Variants in CHD7 observed in about 807,000 individuals in gnomAD.
CHD7 encodes ATP-dependent chromatin remodeler CHD7.
A neutral mutation model predicts 307.3 loss-of-function variants in CHD7; 24 were observed. The observed-to-expected ratio is 0.08, with a 90% CI of 0.06 to 0.11. The LOEUF is 0.11. CHD7 is among the 10% of genes least tolerant of loss of function. CHD7 has a pLI of 1.00. For synonymous variants in CHD7, 1,363 were observed against 1,349.9 expected, an observed-to-expected ratio of 1.01 and a Z score of -0.21; for missense variants, 3,106 against 3,727.1, an observed-to-expected ratio of 0.83 and a Z score of 4.34.
chr8:60,709,614 A>C (rs187522680), intron 1 of CHD7, among the ~76,000 whole-genome samples: 143 of 152,312 alleles, frequency 9.4e-4, no homozygotes, highest in African/African-American at 3.4e-3. Context: ...TCCTATGTAC[A>C]TTTAAGTTTT....
intron 2 of CHD7, among the ~76,000 whole-genome samples, chr8:60,752,569 T>C (rs920392222): frequency 1.3e-5 from 2 of 152,180 alleles, no homozygotes; most frequent in Admixed American, 6.5e-5. Context: ...AAACTTTTTG[T>C]TTTTTGAAGG....
chr8:60,761,235 C>T (rs561614561), intron 2 of CHD7, among the ~76,000 whole-genome samples: 2 of 150,274 alleles, frequency 1.3e-5, no homozygotes, highest in Admixed American at 1.3e-4. Context: ...AGTAAACTAT[C>T]GCAAGAACAA....
intron 1 of CHD7, among the ~76,000 whole-genome samples, chr8:60,695,743 CA>C (rs1261264215): frequency 2.8e-4 from 42 of 152,108 alleles, no homozygotes; most frequent in African/African-American, 1.0e-3. Context: ...CAAAAATTTC[CA>C]AATTATGGAA....
At chr8:60,746,607 A>T (rs983455748) in intron 2 of CHD7, among the ~76,000 whole-genome samples, 2 of 152,112 alleles carry the variant, frequency 1.3e-5, no homozygotes, top group Non-Finnish European at 2.9e-5. Context: ...GGTAGACTTA[A>T]CTCTTCTTGA....
intron 1 of CHD7, among the ~76,000 whole-genome samples, chr8:60,729,679 C>G (rs1392004661): frequency 6.6e-6 from 1 of 152,160 alleles, no homozygotes; most frequent in African/African-American, 2.4e-5. Flanking sequence ...AAACCAAGCA[C>G]AAAATTCGAA....
intron 1 of CHD7, among the ~76,000 whole-genome samples, chr8:60,738,673 G>A (rs1808829933): frequency 6.6e-6 from 1 of 152,130 alleles, no homozygotes; most frequent in South Asian, 2.1e-4. Context: ...TCCTGGCATA[G>A]TTGCCAGCTG....
At chr8:60,806,577 G>A (rs958090753) in intron 6 of CHD7, among the ~76,000 whole-genome samples, 1 of 152,136 alleles carries the variant, frequency 6.6e-6, no homozygotes, top group Non-Finnish European at 1.5e-5. Flanking sequence ...TGATACATTG[G>A]TTTAAAATAG....
intron 2 of CHD7, among the ~76,000 whole-genome samples, chr8:60,760,647 G>GA (rs1475745625): frequency 6.7e-6 from 1 of 150,372 alleles, no homozygotes; most frequent in African/African-American, 2.5e-5. Flanking sequence ...AAATTTACAA[G>GA]AAAAAAACAA....
intron 36 of CHD7, 50 bp from the exon 37 acceptor site, chr8:60,862,498 A>G (rs1400299240): frequency 9.9e-6 from 15 of 1,511,010 alleles, no homozygotes; most frequent in Admixed American, 9.9e-5. Flanking sequence ...ATTAACAGAA[A>G]GGGGAGGGAA....
chr8:60,851,965 C>A, intron 28 of CHD7, 54 bp from the exon 29 acceptor site: 1 of 1,255,684 alleles, frequency 8.0e-7, no homozygotes, highest in Non-Finnish European at 1.1e-6. Context: ...TTGGAATACT[C>A]TGTATTGCAA....
intron 4 of CHD7, among the ~76,000 whole-genome samples, chr8:60,795,440 CAT>C (rs1372708033): frequency 9.9e-5 from 15 of 152,114 alleles, no homozygotes; most frequent in African/African-American, 3.4e-4. Context: ...TATACTGGCT[CAT>C]ATAAAGCTTC....
chr8:60,828,748 G>T lies in CHD7; in HGVS notation c.3464G>T (p.Arg1155Leu). Residue 1155 changes from arginine (R) to leucine (L), a missense_variant, in exon 14 of 38, where the codon CGC (arginine) becomes CTC (leucine). By Grantham distance (102) the Arg-to-Leu change is moderately radical (BLOSUM62 -2). This residue lies in a region of CHD7 where 232 missense variants were observed against 422.5 expected (regional missense o/e 0.55). Coordinates refer to ENST00000423902, the MANE Select transcript of CHD7 (RefSeq NM_017780.4). ...TTGCTTCATTTCTTGGAACCAAGTC[G>T]CTTCCCTTCAGAAACCACATTTATG... ...FSLLHFLEPS[R>L]FPSETTFMQE... 1 of 1,613,594 alleles carries T rather than the reference G, an allele frequency of 6.2e-7. No homozygotes were observed. The highest frequency in any genetic ancestry group is 1.3e-5 in the African/African-American group (1 of 75,034).
intron 1 of CHD7, among the ~76,000 whole-genome samples, chr8:60,736,493 T>G (rs1808720159): frequency 6.6e-6 from 1 of 152,300 alleles, no homozygotes; most frequent in Middle Eastern, 3.4e-3. Context: ...ATGAGGGTGG[T>G]GATGTGCTGT....
intron 29 of CHD7, 60 bp from the exon 30 acceptor site, chr8:60,852,438 A>G: frequency 1.4e-6 from 2 of 1,477,812 alleles, no homozygotes; most frequent in Non-Finnish European, 1.9e-6. Context: ...AAGAAAAGAA[A>G]CAGTAAATAT....
chr8:60,764,597 G>A (rs1810377575), intron 2 of CHD7, among the ~76,000 whole-genome samples: 1 of 152,178 alleles, frequency 6.6e-6, no homozygotes, highest in Non-Finnish European at 1.5e-5. Context: ...CAAAGATGAG[G>A]TAAGAAGCTC....
intron 5 of CHD7, among the ~76,000 whole-genome samples, chr8:60,801,320 A>C (rs903029613): frequency 1.3e-5 from 2 of 152,134 alleles, no homozygotes; most frequent in Non-Finnish European, 2.9e-5. Context: ...AAACCATATA[A>C]TCATGAAGTA....
chr8:60,829,625 G>C (rs1019981082), intron 14 of CHD7, among the ~76,000 whole-genome samples: 2 of 151,930 alleles, frequency 1.3e-5, no homozygotes, highest in African/African-American at 4.8e-5. Flanking sequence ...GAAAAGAAAA[G>C]TGCTTGGCTA....
chr8:60,817,922 C>T (rs914854493), intron 8 of CHD7, among the ~76,000 whole-genome samples: 10 of 152,204 alleles, frequency 6.6e-5, no homozygotes, highest in Admixed American at 3.9e-4. Context: ...ATCCCTAAAT[C>T]CTGGTCCTGT....
chr8:60,710,528 T>C (rs1807238786), intron 1 of CHD7, among the ~76,000 whole-genome samples: 1 of 152,236 alleles, frequency 6.6e-6, no homozygotes, highest in Admixed American at 6.5e-5. Flanking sequence ...CTCAGTGTCT[T>C]TTCTGTTGTT....
Sources: gnomAD v4.1 joint callset for allele counts (sites outside exome capture counted in the v4.1 genomes callset) on GRCh38, gnomAD v4.1.1 for gene constraint, gnomAD v4.1.1 regional missense constraint, MANE v1.5 for transcripts, NCBI Gene and HGNC (gene_info 2026-07-23, HGNC 2026-07-21) for gene names.